Variants in SNX29 observed in about 807,000 individuals in gnomAD.
SNX29 encodes sorting nexin-29.
Under a neutral mutation model 102.1 loss-of-function variants are expected in SNX29, and 78 were observed. The ratio of observed to expected loss-of-function variants is 0.76; its 90% CI spans 0.64 to 0.92. The LOEUF (loss-of-function observed/expected upper bound fraction) is 0.92. Ranked by LOEUF, SNX29 falls within the 40% of genes least tolerant of loss-of-function variation. The pLI, the probability that SNX29 is intolerant of heterozygous loss-of-function variation, is 0.00. For missense variants in SNX29, 1,280 were observed against 1,061.7 expected, an observed-to-expected ratio of 1.21 and a Z score of -2.86; for synonymous variants, 580 against 414.5, an observed-to-expected ratio of 1.40 and a Z score of -4.85.
At chr16:12,215,912 C>T (rs1166323153) in intron 14 of SNX29, among the ~76,000 whole-genome samples, 1 of 152,142 alleles carries the variant, frequency 6.6e-6, no homozygotes, top group African/African-American at 2.4e-5. Context: ...TGCAGGGGTC[C>T]TCCTGCTGGC....
intron 18 of SNX29, among the ~76,000 whole-genome samples, chr16:12,429,925 C>T (rs1355853502): frequency 6.6e-6 from 1 of 152,212 alleles, no homozygotes; most frequent in Non-Finnish European, 1.5e-5. Flanking sequence ...AGGCAGCTTA[C>T]TGAACTGCTG....
intron 11 of SNX29, among the ~76,000 whole-genome samples, chr16:12,126,224 G>A (rs1055585775): frequency 6.6e-5 from 10 of 152,328 alleles, no homozygotes; most frequent in African/African-American, 2.4e-4. Flanking sequence ...GCAAAGACTT[G>A]TAGTGATACT....
chr16:12,529,543 A>AAATACATTATGT (rs1250498041), intron 20 of SNX29, among the ~76,000 whole-genome samples: 2 of 152,056 alleles, frequency 1.3e-5, no homozygotes, highest in Non-Finnish European at 2.9e-5. Context: ...TAACTTTGGG[A>AAATACATTATGT]AATACATTAT....
chr16:12,523,190 C>T (rs560859175), intron 19 of SNX29, among the ~76,000 whole-genome samples: 1 of 152,318 alleles, frequency 6.6e-6, no homozygotes, highest in Non-Finnish European at 1.5e-5. Flanking sequence ...TGTGACTGAG[C>T]CCCTGCCTTG....
chr16:12,407,813 T>C (rs1357714379), intron 18 of SNX29, among the ~76,000 whole-genome samples: 1 of 152,156 alleles, frequency 6.6e-6, no homozygotes, highest in Non-Finnish European at 1.5e-5. Flanking sequence ...TGAATCAAGC[T>C]CTTTAAAAAT....
At chr16:12,353,238 G>A (rs758713149) in intron 15 of SNX29, among the ~76,000 whole-genome samples, 32 of 152,266 alleles carry the variant, frequency 2.1e-4, no homozygotes, top group Non-Finnish European at 4.1e-4. Flanking sequence ...CACACTGAGT[G>A]CTCCCCACAG....
intron 18 of SNX29, among the ~76,000 whole-genome samples, chr16:12,431,791 G>T (rs2085327856): frequency 6.6e-6 from 1 of 152,336 alleles, no homozygotes; most frequent in South Asian, 2.1e-4. Context: ...GTGCTGTGAG[G>T]TCGGGTAATG....
At chr16:12,376,231 A>G (rs916755506) in intron 16 of SNX29, among the ~76,000 whole-genome samples, 1 of 152,132 alleles carries the variant, frequency 6.6e-6, no homozygotes, top group African/African-American at 2.4e-5. Context: ...GACAGCCCCC[A>G]CGCCACGTCC....
chr16:12,551,737 G>GA (rs1365179332), intron 20 of SNX29, among the ~76,000 whole-genome samples: 1 of 152,178 alleles, frequency 6.6e-6, no homozygotes, highest in African/African-American at 2.4e-5. Flanking sequence ...CAGCTGACAA[G>GA]AAATACTTCC....
intron 20 of SNX29, among the ~76,000 whole-genome samples, chr16:12,566,288 CAG>C (rs981650363): frequency 7.9e-5 from 12 of 152,180 alleles, no homozygotes; most frequent in Non-Finnish European, 1.8e-4. Flanking sequence ...CAGGACTGGA[CAG>C]AGACACGTGC....
intron 4 of SNX29, among the ~76,000 whole-genome samples, chr16:12,030,838 G>A (rs1160305176): frequency 6.6e-6 from 1 of 152,102 alleles, no homozygotes; most frequent in African/African-American, 2.4e-5. Flanking sequence ...CTGTATGCCA[G>A]GGCTGACAGG....
Position 12,481,455 on chromosome 16 carries a change from C to CATATAT in SNX29, c.2178+3602_2178+3607dup, listed in dbSNP as rs1555549461. 1.1e-3 allele frequency among the ~76,000 whole-genome samples: 131 copies of CATATAT among 117,936 alleles called. No homozygotes were observed. The East Asian group carries it at 0.023, about 21-fold the overall frequency. The allele number at this position is 117,936 out of a possible 152,430, so 77.4% of individuals were successfully genotyped here. A position where few individuals can be genotyped will look rare whatever the true frequency, so the allele number is the denominator to read the frequency against. The stretch of plus-strand genomic sequence containing the variant: ...ACACATATATACACACACATATATA[C>CATATAT]ATATATATATACACATATATACACA... On this transcript the variant is annotated intron_variant, in intron 19 of 20. Transcript: ENST00000566228.
At chr16:12,536,751 G>A (rs1335774196) in intron 20 of SNX29, among the ~76,000 whole-genome samples, 1 of 152,208 alleles carries the variant, frequency 6.6e-6, no homozygotes, top group Non-Finnish European at 1.5e-5. Context: ...GTCAAGGCAG[G>A]CGGATCAGGA....
chr16:12,344,992 C>T (rs758624916), intron 15 of SNX29, among the ~76,000 whole-genome samples: 6 of 152,238 alleles, frequency 3.9e-5, no homozygotes, highest in South Asian at 2.1e-4. Flanking sequence ...CATTGTGTGG[C>T]GCCAAGTAAA....
At chr16:12,120,297 A>G (rs2053918510) in intron 11 of SNX29, among the ~76,000 whole-genome samples, 2 of 152,336 alleles carry the variant, frequency 1.3e-5, no homozygotes. Flanking sequence ...GTCTTTAAAG[A>G]TAGCTGAGTA....
chr16:12,341,682 G>A (rs1210860423), intron 15 of SNX29, among the ~76,000 whole-genome samples: 1 of 152,202 alleles, frequency 6.6e-6, no homozygotes, highest in Admixed American at 6.5e-5. Context: ...TACAGGGAAG[G>A]GATGGTGCAG....
intron 16 of SNX29, among the ~76,000 whole-genome samples, chr16:12,384,604 T>C (rs775019245): frequency 1.1e-4 from 17 of 152,350 alleles, no homozygotes; most frequent in Non-Finnish European, 1.6e-4. Flanking sequence ...GTTTCTGATA[T>C]AGTCTGTTTA....
intron 11 of SNX29, among the ~76,000 whole-genome samples, chr16:12,114,696 C>G (rs1412982183): frequency 6.6e-6 from 1 of 152,014 alleles, no homozygotes; most frequent in Non-Finnish European, 1.5e-5. Context: ...AAGCGATTCT[C>G]CTGCCTCAGC....
At position 12,356,208 on chromosome 16, in the gene SNX29, C is replaced by T. The variant is rs756328346; in HGVS notation, c.1828C>T (p.His610Tyr). The T allele has an allele frequency of 1.5e-5, 25 of 1,613,378 alleles. No individual in the cohort carries two copies. Among genetic ancestry groups the T allele is most frequent in the South Asian group, 9.9e-5 (9 of 90,902 alleles). ...GCTGATTGAGTTCAACGAGCGCCTG[C>T]ACAGGGCCCTGGTAGCCAAGGAAGC... The part of the protein sequence containing the change: ...GELIEFNERL[H>Y]RALVAKEALV... The change falls in exon 16 of 21, where the codon CAC becomes TAC. Residue 610 changes from histidine (H) to tyrosine (Y), a missense_variant. Coordinates refer to ENST00000566228, the MANE Select transcript of SNX29 (RefSeq NM_032167.5).
Sources: gnomAD v4.1 joint callset for allele counts (sites outside exome capture counted in the v4.1 genomes callset) on GRCh38, gnomAD v4.1.1 for gene constraint, MANE v1.5 for transcripts, NCBI Gene and HGNC (gene_info 2026-07-23, HGNC 2026-07-21) for gene names.